Variants in GAREM1 observed in about 807,000 individuals in gnomAD.
GAREM1 encodes GRB2-associated and regulator of MAPK protein 1.
Under a neutral mutation model 71.3 loss-of-function variants are expected in GAREM1, and 26 were observed. That is an observed-to-expected ratio of 0.36 (90% CI 0.27 to 0.51). The LOEUF is 0.51. Among genes scored for constraint, GAREM1 ranks in the 20% least tolerant of loss-of-function variants. The probability of loss-of-function intolerance (pLI) is 0.95; values close to 1 mark genes in which losing one functional copy is unlikely to be tolerated. For missense variants in GAREM1, 1,026 were observed against 1,103.1 expected (o/e 0.93, Z 0.99); for synonymous variants, 440 against 433.2 (o/e 1.02, Z -0.20).
intron 1 of GAREM1, among the ~76,000 whole-genome samples, chr18:32,400,185 AAG>A (rs1338178740): frequency 9.2e-5 from 14 of 152,250 alleles, no homozygotes; most frequent in African/African-American, 3.4e-4. Context: ...AGATGGATTA[AAG>A]ACTTACATGT....
intron 1 of GAREM1, among the ~76,000 whole-genome samples, chr18:32,469,251 G>C (rs1045540458): frequency 6.6e-6 from 1 of 152,032 alleles, no homozygotes; most frequent in African/African-American, 2.4e-5. Context: ...AGGAAACAAG[G>C]AGTAACCCTA....
At chr18:32,360,368 T>C (rs2047854248) in intron 2 of GAREM1, among the ~76,000 whole-genome samples, 1 of 152,168 alleles carries the variant, frequency 6.6e-6, no homozygotes, top group East Asian at 1.9e-4. Context: ...ATCATGGACA[T>C]TCCTCACAAG....
rs756348019 is a variant in GAREM1, at chr18:32,270,289, A to C, written c.1661T>G (p.Val554Gly). ...GCGAGTCTGTTGCCGCGCTGGCTTG[A>C]CTGTGCGAGGAGGGATGGAGGGACT... Reference protein sequence around the residue: ...STSPSIPPRTVKPARQQTRSP... With the variant: ...STSPSIPPRTGKPARQQTRSP... Residue 554 changes from valine to glycine, a missense_variant, in exon 5 of 6, where the codon GTC (valine) becomes GGC (glycine). Val to Gly is a moderately radical substitution (Grantham distance 109). Around this residue, in one of 3 missense-constraint regions of GAREM1, gnomAD observed 636 missense variants for 631.2 expected, o/e 1.01. Transcript: ENST00000269209. The C allele has an allele frequency of 6.2e-7, 1 of 1,613,940 alleles. No homozygotes were observed. Among genetic ancestry groups the C allele is most frequent in the South Asian group, 1.1e-5 (1 of 91,032 alleles).
intron 1 of GAREM1, among the ~76,000 whole-genome samples, chr18:32,469,748 A>C (rs2049031516): frequency 6.6e-6 from 1 of 152,138 alleles, no homozygotes; most frequent in Admixed American, 6.5e-5. Context: ...TCTGCTGAAA[A>C]CATTTTCTAC....
intron 1 of GAREM1, among the ~76,000 whole-genome samples, chr18:32,424,702 A>G (rs184657892): frequency 6.6e-6 from 1 of 152,370 alleles, no homozygotes. Flanking sequence ...ATAAAAATTT[A>G]AAAATAAAGC....
chr18:32,366,698 A>G (rs1209523397), intron 2 of GAREM1, among the ~76,000 whole-genome samples: 3 of 152,244 alleles, frequency 2.0e-5, no homozygotes, highest in African/African-American at 7.2e-5. Context: ...ATTAACTTAA[A>G]TGGTACAGTC....
chr18:32,270,716 T>C (rs1485599925), intron 4 of GAREM1, among the ~76,000 whole-genome samples: 2 of 152,070 alleles, frequency 1.3e-5, no homozygotes, highest in Non-Finnish European at 2.9e-5. Context: ...TGAGGATGGA[T>C]AAAGAGGAAG....
chr18:32,372,007 T>G (rs2047984766), intron 2 of GAREM1, among the ~76,000 whole-genome samples: 1 of 152,010 alleles, frequency 6.6e-6, no homozygotes, highest in African/African-American at 2.4e-5. Flanking sequence ...ATGAAGTAAA[T>G]GAGAGGTAAG....
At chr18:32,364,026 A>ATATATATTTTT (rs1336753011) in intron 2 of GAREM1, among the ~76,000 whole-genome samples, 4 of 46,414 alleles carry the variant, frequency 8.6e-5, no homozygotes, top group African/African-American at 6.6e-4. Context: ...ATATATATAT[A>ATATATATTTTT]TGTTTTTTTT....
At chr18:32,398,354 C>CA (rs1006748350) in intron 1 of GAREM1, among the ~76,000 whole-genome samples, 48 of 152,014 alleles carry the variant, frequency 3.2e-4, no homozygotes, top group African/African-American at 1.1e-3. Context: ...AAGAACCCTT[C>CA]AAAAAAATCA....
intron 2 of GAREM1, among the ~76,000 whole-genome samples, chr18:32,364,026 A>ATATATATATATATATG (rs1336753011): frequency 2.2e-5 from 1 of 46,418 alleles, no homozygotes; most frequent in Non-Finnish European, 3.4e-5. Context: ...ATATATATAT[A>ATATATATATATATATG]TGTTTTTTTT....
chr18:32,330,252 G>A (rs964176293), intron 2 of GAREM1, among the ~76,000 whole-genome samples: 1 of 152,170 alleles, frequency 6.6e-6, no homozygotes, highest in African/African-American at 2.4e-5. Context: ...AATTAATGCA[G>A]GTACAGAAAA....
intron 2 of GAREM1, among the ~76,000 whole-genome samples, chr18:32,391,927 A>C (rs1469195178): frequency 6.6e-6 from 1 of 152,074 alleles, no homozygotes; most frequent in East Asian, 1.9e-4. Flanking sequence ...ATGGTACCAA[A>C]CTATTCATTC....
intron 1 of GAREM1, among the ~76,000 whole-genome samples, chr18:32,457,226 A>G (rs12607276): frequency 6.1e-5 from 5 of 81,926 alleles, no homozygotes; most frequent in East Asian, 4.9e-4. Context: ...AGAGAGAGAG[A>G]GTGTGTGTGT....
At chr18:32,295,091 G>T (rs2047127439) in intron 3 of GAREM1, among the ~76,000 whole-genome samples, 2 of 151,932 alleles carry the variant, frequency 1.3e-5, no homozygotes, top group Admixed American at 6.6e-5. Context: ...TTGAGATGGA[G>T]TCTTGCTCTG....
intron 2 of GAREM1, among the ~76,000 whole-genome samples, chr18:32,335,642 T>G (rs1346114644): frequency 6.6e-6 from 1 of 152,240 alleles, no homozygotes; most frequent in Non-Finnish European, 1.5e-5. Flanking sequence ...TTGTCCTGAT[T>G]TGAACTACAT....
intron 2 of GAREM1, among the ~76,000 whole-genome samples, chr18:32,352,752 TGA>T (rs1477728777): frequency 2.0e-5 from 3 of 152,222 alleles, no homozygotes; most frequent in East Asian, 3.9e-4. Context: ...CCTGTGATTA[TGA>T]GAGAAGGAAA....
intron 2 of GAREM1, among the ~76,000 whole-genome samples, chr18:32,364,394 C>T (rs1425558176): frequency 2.6e-5 from 4 of 152,004 alleles, no homozygotes; most frequent in Admixed American, 6.6e-5. Flanking sequence ...CACCGCTCCG[C>T]CCCTACCCAC....
chr18:32,370,288 C>T (rs1049363854), intron 2 of GAREM1, among the ~76,000 whole-genome samples: 5 of 151,864 alleles, frequency 3.3e-5, no homozygotes, highest in South Asian at 2.1e-4. Flanking sequence ...ATTAGCTGGA[C>T]GTGGTGGCGC....
Sources: allele counts gnomAD v4.1 joint callset (sites outside exome capture counted in the v4.1 genomes callset), GRCh38; gene constraint gnomAD v4.1.1; regional missense constraint gnomAD v4.1.1; transcripts MANE v1.5; gene names NCBI Gene and HGNC (gene_info 2026-07-23, HGNC 2026-07-21).